WWP1: variants seen among roughly 807,000 people sequenced by gnomAD.
WWP1 encodes the protein NEDD4-like E3 ubiquitin-protein ligase WWP1.
Under a neutral mutation model 130.6 loss-of-function variants are expected in WWP1, and 49 were observed. The observed-to-expected ratio is 0.38, with a 90% CI of 0.30 to 0.48. The LOEUF is 0.48. Ranked by LOEUF, WWP1 falls within the 20% of genes least tolerant of loss-of-function variation. The pLI is 0.99. For missense variants in WWP1, 809 were observed against 1,100.6 expected (o/e 0.74, Z 3.75); for synonymous variants, 332 against 367.8 (o/e 0.90, Z 1.11).
rs1315058249 is a variant in WWP1 at position 86,350,886 on chromosome 8, C to A, written c.-115+7956C>A. On this transcript the variant is annotated intron_variant, in intron 1 of 24. Coordinates refer to ENST00000517970, the MANE Select transcript of WWP1 (RefSeq NM_007013.4). The stretch of plus-strand genomic sequence containing the variant: ...TACTTTTTGTCTGTGTTTAGTTAGA[C>A]TGGGGAGGAGAATTAGTTAAATGAA... Among the ~76,000 whole-genome samples the A allele has an allele frequency of 2.0e-5, 3 of 152,130 alleles. No individual in the cohort carries two copies. In the East Asian group the frequency reaches 5.8e-4, roughly 29 times the overall value.
intron 24 of WWP1, among the ~76,000 whole-genome samples, chr8:86,462,185 G>A (rs1586520303): frequency 2.0e-5 from 3 of 152,118 alleles, no homozygotes; most frequent in East Asian, 3.9e-4. Context: ...CAAATCCTGG[G>A]AAGTCCTTCG....
intron 9 of WWP1, among the ~76,000 whole-genome samples, chr8:86,424,877 G>A (rs1343662284): frequency 9.8e-5 from 14 of 142,996 alleles, no homozygotes; most frequent in Admixed American, 3.5e-4. Flanking sequence ...GAGGGGAGAG[G>A]GAGAGGTTTC....
intron 24 of WWP1, among the ~76,000 whole-genome samples, chr8:86,464,419 A>G (rs565950562): frequency 6.6e-6 from 1 of 152,342 alleles, no homozygotes; most frequent in East Asian, 1.9e-4. Context: ...TTTCATATCA[A>G]AGTGAATTAA....
intron 5 of WWP1, 61 bp from the exon 6 acceptor site, chr8:86,398,281 G>T: frequency 1.3e-6 from 2 of 1,513,724 alleles, no homozygotes; most frequent in South Asian, 2.7e-5. Flanking sequence ...ATGTAGGTTT[G>T]ATTTCTGAAG....
At chr8:86,384,081 TC>T in intron 5 of WWP1, among the ~76,000 whole-genome samples, 1 of 152,186 alleles carries the variant, frequency 6.6e-6, no homozygotes, top group Middle Eastern at 3.2e-3. Flanking sequence ...CACATGGTCT[TC>T]CCTCTGTATA....
chr8:86,431,764 C>G, intron 14 of WWP1, 21 bp downstream of exon 14: 1 of 1,612,700 alleles, frequency 6.2e-7, no homozygotes, highest in South Asian at 1.1e-5. Flanking sequence ...ACCTGAAGTT[C>G]TCCTTTAAAT....
intron 1 of WWP1, 123 bp from the exon 2 acceptor site, chr8:86,368,816 A>G (rs758722633): frequency 1.2e-4 from 19 of 152,130 alleles, no homozygotes; most frequent in Non-Finnish European, 2.4e-4. Context: ...CTTCTCTGTG[A>G]TCCCTTTCTT....
chr8:86,467,853 T>A lies in WWP1; in HGVS notation c.*960T>A, dbSNP rs1439717117. On this transcript the variant is annotated 3_prime_UTR_variant, in exon 25 of 25. Coordinates refer to ENST00000517970, the MANE Select transcript of WWP1 (RefSeq NM_007013.4). ...GAGTTACATAAGCATTTGAATGCTC[T>A]AATATAAGGCTAATGATTTTCTGTT... 1 of 152,350 alleles carries A rather than the reference T, an allele frequency of 6.6e-6. No homozygotes were observed. Among genetic ancestry groups the A allele is most frequent in the Non-Finnish European group, 1.5e-5 (1 of 68,116 alleles). The allele number at this position is 152,350 out of a possible 1,614,324, so 9.4% of individuals were successfully genotyped here.
intron 1 of WWP1, among the ~76,000 whole-genome samples, chr8:86,361,605 G>A (rs1414944209): frequency 6.6e-6 from 1 of 152,018 alleles, no homozygotes; most frequent in African/African-American, 2.4e-5. Context: ...TTTTTAACCT[G>A]CTTATGTTAG....
intron 16 of WWP1, 81 bp downstream of exon 16, chr8:86,435,785 T>C (rs1381474838): frequency 8.0e-6 from 11 of 1,367,192 alleles, no homozygotes; most frequent in Non-Finnish European, 1.1e-5. Context: ...GTTTTAGAGA[T>C]TTTTAAACCA....
At chr8:86,397,687 CAT>C (rs930669441) in intron 5 of WWP1, among the ~76,000 whole-genome samples, 2 of 152,158 alleles carry the variant, frequency 1.3e-5, no homozygotes, top group African/African-American at 4.8e-5. Context: ...TATAGTCTAA[CAT>C]AGAAGTTGAA....
intron 7 of WWP1, among the ~76,000 whole-genome samples, chr8:86,401,712 G>A (rs951524932): frequency 1.1e-4 from 17 of 151,992 alleles, no homozygotes; most frequent in African/African-American, 2.4e-4. Context: ...GTGGGAGACC[G>A]TATTTATTTT....
chr8:86,399,410 A>G (rs1440420600), intron 7 of WWP1, among the ~76,000 whole-genome samples: 1 of 152,238 alleles, frequency 6.6e-6, no homozygotes, highest in African/African-American at 2.4e-5. Context: ...AATTGGAATA[A>G]AATAATAGAG....
chr8:86,458,939 GGA>G (rs1406672227), intron 22 of WWP1, among the ~76,000 whole-genome samples: 1 of 151,766 alleles, frequency 6.6e-6, no homozygotes, highest in Non-Finnish European at 1.5e-5. Flanking sequence ...ATGTCCATCA[GGA>G]GAGTACTGAG....
rs1202484544 is a variant in WWP1 at position 86,457,955 on chromosome 8, C to T, written c.2429C>T (p.Ala810Val). 6.2e-7 allele frequency: 1 copy of T among 1,612,768 alleles called. No homozygotes were observed. Among genetic ancestry groups the T allele is most frequent in the East Asian group, 2.2e-5 (1 of 44,828 alleles). ...TGTGGCATGCAGGAGGTTGACTTGG[C>T]AGATTGGCAGAGAAATACTGTTTAT... ...MLCGMQEVDL[A>V]DWQRNTVYRH... Residue 810 changes from alanine to valine, a missense_variant, in exon 22 of 25, where the codon GCA becomes GTA. Physicochemically the swap from Ala to Val is moderately conservative, Grantham distance 64 (BLOSUM62 0). Transcript: ENST00000517970.
intron 5 of WWP1, among the ~76,000 whole-genome samples, chr8:86,390,422 C>A (rs771266665): frequency 6.6e-6 from 1 of 152,138 alleles, no homozygotes; most frequent in Non-Finnish European, 1.5e-5. Context: ...ACTGAGTGAG[C>A]GAGACTCCGT....
intron 21 of WWP1, among the ~76,000 whole-genome samples, chr8:86,456,522 C>T (rs1296751624): frequency 1.3e-5 from 2 of 151,868 alleles, no homozygotes; most frequent in African/African-American, 4.8e-5. Flanking sequence ...AATCAAAGCA[C>T]CACTTTGAGA....
chr8:86,466,042 T>TA (rs1475307845), intron 24 of WWP1, among the ~76,000 whole-genome samples: 10 of 152,144 alleles, frequency 6.6e-5, no homozygotes, highest in African/African-American at 2.4e-4. Context: ...GGTTCTGACT[T>TA]ACTCAGGGCT....
chr8:86,395,491 A>T (rs1456533166), intron 5 of WWP1, among the ~76,000 whole-genome samples: 3 of 61,110 alleles, frequency 4.9e-5, no homozygotes, highest in South Asian at 6.2e-4. Flanking sequence ...GTCCCAAACA[A>T]GAGAGCAAAG....
Sources: allele counts gnomAD v4.1 joint callset (sites outside exome capture counted in the v4.1 genomes callset), GRCh38; gene constraint gnomAD v4.1.1; transcripts MANE v1.5; gene names NCBI Gene and HGNC (gene_info 2026-07-23, HGNC 2026-07-21).